The following DDX20 variants were observed in gnomAD, a reference collection of about 807,000 sequenced individuals.
The protein encoded by DDX20 is DEAD-box helicase 20.
Under a neutral mutation model 76.4 loss-of-function variants are expected in DDX20, and 61 were observed. That is an observed-to-expected ratio of 0.80 (90% CI 0.65 to 0.99). DDX20 has a LOEUF of 0.99. Ranked by LOEUF, DDX20 falls within the 50% of genes least tolerant of loss-of-function variation. The pLI is 0.00. For missense variants in DDX20, 976 were observed against 996.8 expected, an observed-to-expected ratio of 0.98 and a Z score of 0.28; for synonymous variants, 357 against 357.4, an observed-to-expected ratio of 1.00 and a Z score of 0.01.
At chr1:111,763,331 GGAGGCCAGGACAGGTGGATCACAT>G (rs1435960070) in intron 10 of DDX20, among the ~76,000 whole-genome samples, 1 of 152,186 alleles carries the variant, frequency 6.6e-6, no homozygotes. Context: ...CAGCACTTTG[GGAGGCCAGGACAGGTGGATCACAT>G]GAGGTCAGGA....
chr1:111,760,385 CT>C (rs1197374429), intron 3 of DDX20, 88 bp from the exon 4 acceptor site: 4 of 896,890 alleles, frequency 4.5e-6, no homozygotes, highest in Admixed American at 4.9e-5. Flanking sequence ...GCAGAACAAC[CT>C]GTAAGTAATA....
chr1:111,757,309 C>T (rs1663581753), intron 2 of DDX20, among the ~76,000 whole-genome samples: 1 of 152,138 alleles, frequency 6.6e-6, no homozygotes, highest in Non-Finnish European at 1.5e-5. Flanking sequence ...CCTTTGCCTC[C>T]CAAAGTACTG....
chr1:111,760,494 G>C lies in DDX20; in HGVS notation c.586G>C (p.Glu196Gln), dbSNP rs755765094. 2 of 1,600,020 alleles carry C rather than the reference G, an allele frequency of 1.2e-6. No individual in the cohort carries two copies. Among genetic ancestry groups the C allele is most frequent in the South Asian group, 2.3e-5 (2 of 87,522 alleles). The change falls in exon 4 of 11, where the codon GAA becomes CAA. Residue 196 changes from glutamate (E) to glutamine (Q), a missense_variant. Glu to Gln is a conservative substitution (Grantham distance 29). Coordinates refer to ENST00000369702, the MANE Select transcript of DDX20 (RefSeq NM_007204.5). ...ATTAGGCAGAATTAAGCAACTCATA[G>C]AACTTGACTACTTGAACCCAGGCAG... ...GSPGRIKQLI[E>Q]LDYLNPGSIR... is the part of the protein sequence containing the mutation.
In DDX20 at chr1:111,756,047, G is replaced by C; in HGVS notation, c.123G>C (p.Arg41=). The C allele has an allele frequency of 6.8e-6, 11 of 1,609,462 alleles. No homozygotes were observed. Among genetic ancestry groups the C allele is most frequent in the Non-Finnish European group, 9.3e-6 (11 of 1,179,078 alleles). The change falls in exon 1 of 11, where the codon CGG becomes CGC. Residue 41 remains arginine, a synonymous_variant. Coordinates refer to ENST00000369702, the MANE Select transcript of DDX20 (RefSeq NM_007204.5). The part of the protein sequence containing the change: ...EPTPGPVRIL[R]TAQDLSSPRT... ...CACCCGGGCCTGTGAGGATCCTGCG[G>C]ACCGCTCAGGATCTCAGCAGCCCGC...
rs1186997461 is a variant in DDX20 at position 111,760,634 on chromosome 1, ATC to A, written c.680+48_680+49del. ...GACTATTAAAACAGTGTTCCGAAGT[ATC>A]TATCTTTAGCTTTTCCAAGTGGTGA... On this transcript the variant is annotated intron_variant, in intron 4 of 10. Coordinates refer to ENST00000369702, the MANE Select transcript of DDX20 (RefSeq NM_007204.5). 3.7e-6 allele frequency: 6 copies of A among 1,600,646 alleles called. No individual in the cohort carries two copies. The South Asian group carries it at 6.7e-5, about 18-fold the overall frequency.
Position 111,756,641 on chromosome 1 carries a change from C to T in DDX20, c.302-5C>T, listed in dbSNP as rs1663562131. ...GCTAGTGATAATTGTTTTTTTCCTT[C>T]GCAGATTTAATTGTTCAAGCTAAAT... On this transcript the variant is annotated splice_region_variant and splice_polypyrimidine_tract_variant and intron_variant, in intron 1 of 10. Coordinates refer to ENST00000369702, the MANE Select transcript of DDX20 (RefSeq NM_007204.5). 3.7e-6 allele frequency: 6 copies of T among 1,613,128 alleles called. No individual in the cohort carries two copies. The South Asian group carries it at 4.4e-5, about 12-fold the overall frequency.
In DDX20 at chr1:111,762,783, G is replaced by GAA; in HGVS notation, c.1210+1_1210+2insAA. On this transcript the variant is annotated splice_donor_variant, in intron 9 of 10. Transcript: ENST00000369702. LOFTEE classifies it high-confidence loss of function. ...CGGATTGGGAGAGCTGGCCGTTTTG[G>GAA]TAAAAAAAAAAAAAAAAGTTTGAGT... 6.4e-7 allele frequency: 1 copy of GAA among 1,565,686 alleles called. No homozygotes were observed. Among genetic ancestry groups the GAA allele is most frequent in the Admixed American group, 1.8e-5 (1 of 56,246 alleles).
intron 3 of DDX20, among the ~76,000 whole-genome samples, chr1:111,759,971 C>G (rs1663636650): frequency 1.1e-5 from 1 of 92,796 alleles, no homozygotes. Flanking sequence ...GAGACTCCAT[C>G]TCAAAAAAAA....
Position 111,765,949 on chromosome 1 carries a change from A to G in DDX20, c.1525A>G (p.Lys509Glu). Residue 509 changes from lysine (K) to glutamate (E), a missense_variant, in exon 11 of 11, where the codon AAA becomes GAA. By Grantham distance (56) the Lys-to-Glu change is moderately conservative. Transcript: ENST00000369702. Reference sequence around the variant, plus strand: ...TGTATCTGGACTATCAGTCAAATCAAAAAATAATACCAAACAAAAGCTTCC... The same window carrying G: ...TGTATCTGGACTATCAGTCAAATCAGAAAATAATACCAAACAAAAGCTTCC... Reference protein sequence around the residue: ...NSVSGLSVKSKNNTKQKLPVK... With the variant: ...NSVSGLSVKSENNTKQKLPVK... 2 of 1,613,436 alleles carry G rather than the reference A, an allele frequency of 1.2e-6. No homozygotes were observed. Among genetic ancestry groups the G allele is most frequent in the Non-Finnish European group, 8.5e-7 (1 of 1,179,898 alleles).
At chr1:111,765,601 CTATT>C (rs1663762288) in intron 10 of DDX20, 132 bp from the exon 11 acceptor site, 2 of 733,846 alleles carry the variant, frequency 2.7e-6, no homozygotes, top group Admixed American at 3.4e-5. Flanking sequence ...AATGTTATAT[CTATT>C]AAACATCTTA....
intron 8 of DDX20, 130 bp downstream of exon 8, chr1:111,762,467 G>A (rs1438677722): frequency 3.4e-6 from 3 of 871,258 alleles, no homozygotes; most frequent in African/African-American, 3.4e-5. Flanking sequence ...TATCTTTCCA[G>A]TGCTGAGGAA....
In DDX20 at chr1:111,766,191, G is replaced by A. The variant is rs1195165344; in HGVS notation, c.1767G>A (p.Leu589=). Residue 589 remains leucine (L), a synonymous_variant, in exon 11 of 11, where the codon TTG becomes TTA. Transcript: ENST00000369702. ...SSFKIHQPYT[L]TFAELVEDYE... is the part of the protein sequence containing the mutation. ...TTAAAATCCATCAGCCATACACGTT[G>A]ACTTTTGCTGAATTGGTAGAGGATT... 2 of 1,614,146 alleles carry A rather than the reference G, an allele frequency of 1.2e-6. No homozygotes were observed. Among genetic ancestry groups the A allele is most frequent in the African/African-American group, 1.3e-5 (1 of 75,040 alleles).
In DDX20 at chr1:111,756,111, G is replaced by T; in HGVS notation, c.187G>T (p.Asp63Tyr). 1 of 1,597,042 alleles carries T rather than the reference G, an allele frequency of 6.3e-7. No individual in the cohort carries two copies. Among genetic ancestry groups the T allele is most frequent in the Non-Finnish European group, 8.5e-7 (1 of 1,178,152 alleles). The change falls in exon 1 of 11, where the codon GAC (aspartate) becomes TAC (tyrosine). Residue 63 changes from aspartate (D) to tyrosine (Y), a missense_variant. By Grantham distance (160) the Asp-to-Tyr change is radical (BLOSUM62 -3). Coordinates refer to ENST00000369702, the MANE Select transcript of DDX20 (RefSeq NM_007204.5). The stretch of plus-strand genomic sequence containing the variant: ...GGATGTGCTGTTGGCGGAGCCGGCC[G>T]ACTTCGAGTCACTGCTGCTTTCGCG... ...TGDVLLAEPA[D>Y]FESLLLSRPV...
chr1:111,764,238 C>T lies in DDX20; in HGVS notation c.1312+1231C>T, dbSNP rs754462792. 2.0e-4 allele frequency among the ~76,000 whole-genome samples: 30 copies of T among 151,230 alleles called. No homozygotes were observed. The Middle Eastern group carries it at 0.02, about 103-fold the overall frequency. On this transcript the variant is annotated intron_variant, in intron 10 of 10. Coordinates refer to ENST00000369702, the MANE Select transcript of DDX20 (RefSeq NM_007204.5). ...GTGGAGCTTGCAGTGAGCCAAGATC[C>T]GCCATTGCACTCCAGCCTGGGCGAA...
chr1:111,763,089 T>A (rs889108483), intron 10 of DDX20, 82 bp downstream of exon 10: 33 of 1,104,668 alleles, frequency 3.0e-5, no homozygotes, highest in Non-Finnish European at 4.4e-5. Context: ...GCTAACAGAG[T>A]GCTTATGATG....
At position 111,766,331 on chromosome 1, in the gene DDX20, T is replaced by C. The variant is rs197412; in HGVS notation, c.1907T>C (p.Ile636Thr). Reference protein sequence around the residue: ...PQNGFVRNKVIEQRVPVLASS... With the variant: ...PQNGFVRNKVTEQRVPVLASS... ...AATGGTTTTGTGAGAAATAAAGTTA[T>C]TGAACAGAGAGTCCCTGTGTTGGCA... The change falls in exon 11 of 11, where the codon ATT (isoleucine) becomes ACT (threonine). Residue 636 changes from isoleucine to threonine, a missense_variant. Physicochemically the swap from Ile to Thr is moderately conservative, Grantham distance 89. Around this residue, in one of 3 missense-constraint regions of DDX20, gnomAD observed 630 missense variants for 693.7 expected, o/e 0.91. Coordinates refer to ENST00000369702, the MANE Select transcript of DDX20 (RefSeq NM_007204.5). The C allele has an allele frequency of 0.41, 660,290 of 1,613,432 alleles. 139,825 individuals are homozygous for C. The highest frequency in any genetic ancestry group is 0.69 in the African/African-American group (51,649 of 74,952).
At chr1:111,762,439 A>G in intron 8 of DDX20, 102 bp downstream of exon 8, 5 of 960,982 alleles carry the variant, frequency 5.2e-6, no homozygotes, top group East Asian at 2.5e-5. Flanking sequence ...GTATCTAACA[A>G]GAATACCAGA....
At chr1:111,757,061 G>GT (rs35450202) in intron 2 of DDX20, among the ~76,000 whole-genome samples, 25,217 of 144,794 alleles carry the variant, frequency 0.17, 2,796 homozygotes, top group African/African-American at 0.32. Context: ...TGCAGAGTTT[G>GT]TTTTTTTTTT....
intron 2 of DDX20, among the ~76,000 whole-genome samples, chr1:111,758,014 C>A (rs1663595724): frequency 6.8e-6 from 1 of 147,300 alleles, no homozygotes; most frequent in African/African-American, 2.7e-5. Context: ...ACACCACACG[C>A]CCGGCTAATT....
Sources: allele counts gnomAD v4.1 joint callset (sites outside exome capture counted in the v4.1 genomes callset), GRCh38; gene constraint gnomAD v4.1.1; regional missense constraint gnomAD v4.1.1; transcripts MANE v1.5; gene names NCBI Gene and HGNC (gene_info 2026-07-23, HGNC 2026-07-21).